The following NKAIN2 variants were observed in gnomAD, a reference collection of about 807,000 sequenced individuals.
NKAIN2 encodes sodium/potassium transporting ATPase interacting 2.
A neutral mutation model predicts 32.6 loss-of-function variants in NKAIN2; 14 were observed. The observed-to-expected ratio is 0.43, with a 90% CI of 0.28 to 0.67. The LOEUF (loss-of-function observed/expected upper bound fraction) is 0.67. Among genes scored for constraint, NKAIN2 ranks in the 30% least tolerant of loss-of-function variants. The pLI, the probability that NKAIN2 is intolerant of heterozygous loss-of-function variation, is 0.17. For missense variants in NKAIN2, 198 were observed against 258.3 expected (o/e 0.77, Z 1.60); for synonymous variants, 80 against 87.2 (o/e 0.92, Z 0.46).
intron 3 of NKAIN2, among the ~76,000 whole-genome samples, chr6:124,412,052 C>G (rs1444172473): frequency 6.6e-6 from 1 of 152,106 alleles, no homozygotes; most frequent in Non-Finnish European, 1.5e-5. Context: ...AAGGACTTCT[C>G]TGCATTGGTT....
At chr6:124,239,708 A>G (rs1407175005) in intron 1 of NKAIN2, among the ~76,000 whole-genome samples, 1 of 152,182 alleles carries the variant, frequency 6.6e-6, no homozygotes, top group Non-Finnish European at 1.5e-5. Context: ...GAGAACAAAG[A>G]CACAATGTAC....
chr6:124,307,978 A>T (rs181980178), intron 2 of NKAIN2, among the ~76,000 whole-genome samples: 103 of 152,176 alleles, frequency 6.8e-4, no homozygotes, highest in Admixed American at 3.1e-3. Flanking sequence ...TTTAAAAAAA[A>T]TTTTTTTTAT....
intron 4 of NKAIN2, among the ~76,000 whole-genome samples, chr6:124,679,300 C>CA (rs992932312): frequency 6.6e-6 from 1 of 152,170 alleles, no homozygotes. Flanking sequence ...TCCTAAGCAT[C>CA]ACTTTTTTTT....
chr6:124,420,951 T>C (rs965799440), intron 3 of NKAIN2, among the ~76,000 whole-genome samples: 2 of 151,896 alleles, frequency 1.3e-5, no homozygotes, highest in East Asian at 3.9e-4. Flanking sequence ...CAATAAATAT[T>C]TCACCACATG....
At chr6:124,004,031 G>T (rs935859831) in intron 1 of NKAIN2, among the ~76,000 whole-genome samples, 1 of 152,204 alleles carries the variant, frequency 6.6e-6, no homozygotes, top group African/African-American at 2.4e-5. Context: ...TCCATAATTT[G>T]TCTGGACTAA....
intron 3 of NKAIN2, among the ~76,000 whole-genome samples, chr6:124,508,312 A>G (rs1263325605): frequency 6.6e-6 from 1 of 151,716 alleles, no homozygotes; most frequent in Non-Finnish European, 1.5e-5. Flanking sequence ...TAGTCAGAGA[A>G]AATGAAATGA....
intron 2 of NKAIN2, among the ~76,000 whole-genome samples, chr6:124,318,096 G>T (rs1303043179): frequency 1.3e-5 from 2 of 151,898 alleles, no homozygotes; most frequent in Non-Finnish European, 2.9e-5. Context: ...CATGTCTTCT[G>T]CTAAAGCCTC....
intron 1 of NKAIN2, among the ~76,000 whole-genome samples, chr6:123,980,987 A>G (rs1476305146): frequency 6.6e-6 from 1 of 151,390 alleles, no homozygotes; most frequent in East Asian, 1.9e-4. Context: ...CCCCTGCCTC[A>G]GCCTCCCGAG....
chr6:123,915,558 C>CT (rs1775446850), intron 1 of NKAIN2, among the ~76,000 whole-genome samples: 1 of 152,150 alleles, frequency 6.6e-6, no homozygotes, highest in South Asian at 2.1e-4. Context: ...AACGTTGTTT[C>CT]AAAGTCTAGT....
chr6:124,735,043 T>C (rs1159370715), intron 4 of NKAIN2, among the ~76,000 whole-genome samples: 1 of 151,948 alleles, frequency 6.6e-6, no homozygotes, highest in Non-Finnish European at 1.5e-5. Context: ...CCACACTCAC[T>C]GTTTTTTGAT....
At chr6:123,807,312 A>T (rs1316176593) in intron 1 of NKAIN2, among the ~76,000 whole-genome samples, 3 of 152,114 alleles carry the variant, frequency 2.0e-5, no homozygotes, top group Non-Finnish European at 4.4e-5. Context: ...TTCAGATTTT[A>T]GGGTGATTCC....
At chr6:123,848,787 C>T (rs1290892752) in intron 1 of NKAIN2, among the ~76,000 whole-genome samples, 3 of 152,170 alleles carry the variant, frequency 2.0e-5, no homozygotes, top group Non-Finnish European at 4.4e-5. Flanking sequence ...AATTCTGGGT[C>T]ATTGGTGATA....
intron 3 of NKAIN2, among the ~76,000 whole-genome samples, chr6:124,618,932 G>A (rs558865643): frequency 6.6e-6 from 1 of 152,050 alleles, no homozygotes; most frequent in African/African-American, 2.4e-5. Context: ...ATCCTCTTCT[G>A]GGCCAGGTGT....
At position 123,990,910 on chromosome 6, in the gene NKAIN2, A is replaced by G. The variant is rs77444881; in HGVS notation, c.54+186656A>G. 6.5e-4 allele frequency among the ~76,000 whole-genome samples: 99 copies of G among 152,348 alleles called. 1 individual carries two copies. The East Asian group carries it at 0.016, about 24-fold the overall frequency. On this transcript the variant is annotated intron_variant, in intron 1 of 6. Transcript: ENST00000368417. ...TTGAGCAAGCTCCTATTACATCATT[A>G]AGAGTATGTCACAGTTAGTTTCAAT...
chr6:124,318,962 A>T (rs2115019454), intron 2 of NKAIN2, among the ~76,000 whole-genome samples: 1 of 152,216 alleles, frequency 6.6e-6, no homozygotes, highest in East Asian at 1.9e-4. Context: ...TTTTAATTAT[A>T]TGTATTTAAC....
intron 3 of NKAIN2, among the ~76,000 whole-genome samples, chr6:124,398,696 A>G (rs1237765305): frequency 6.6e-6 from 1 of 152,216 alleles, no homozygotes; most frequent in African/African-American, 2.4e-5. Context: ...TTATCAACCT[A>G]AGGTGAGTAC....
chr6:123,910,499 G>GTGTTTTTTTTTTTTTTTTTTTTTTTTTT (rs1491095246), intron 1 of NKAIN2, among the ~76,000 whole-genome samples: 1 of 81,314 alleles, frequency 1.2e-5, no homozygotes, highest in African/African-American at 5.0e-5. Flanking sequence ...TGCAATGCAT[G>GTGTTTTTTTTTTTTTTTTTTTTTTTTTT]TTTTTTTTTT....
intron 4 of NKAIN2, among the ~76,000 whole-genome samples, chr6:124,760,508 C>A (rs186887637): frequency 6.6e-6 from 1 of 151,884 alleles, no homozygotes; most frequent in African/African-American, 2.4e-5. Flanking sequence ...AGCTTCCAGG[C>A]GCTTCCAGAA....
rs997756248 is a variant in NKAIN2, at chr6:123,828,567, C to T, written c.54+24313C>T. 2.6e-5 allele frequency among the ~76,000 whole-genome samples: 4 copies of T among 152,042 alleles called. No homozygotes were observed. The East Asian group carries it at 7.7e-4, about 29-fold the overall frequency. Reference sequence around the variant, plus strand: ...TTCTGATGTTATTCTATGTCATTCCCCTGCTTAAAACTAATTATGTCTTGT... The same window carrying T: ...TTCTGATGTTATTCTATGTCATTCCTCTGCTTAAAACTAATTATGTCTTGT... On this transcript the variant is annotated intron_variant, in intron 1 of 6. Transcript: ENST00000368417.
Sources: allele counts gnomAD v4.1 joint callset (sites outside exome capture counted in the v4.1 genomes callset), GRCh38; gene constraint gnomAD v4.1.1; transcripts MANE v1.5; gene names NCBI Gene and HGNC (gene_info 2026-07-23, HGNC 2026-07-21).